PRKCA: variants seen among roughly 807,000 people sequenced by gnomAD.
PRKCA encodes the protein protein kinase C alpha type.
A neutral mutation model predicts 87.0 loss-of-function variants in PRKCA; 27 were observed. The ratio of observed to expected loss-of-function variants is 0.31; its 90% confidence interval spans 0.23 to 0.43. The LOEUF (loss-of-function observed/expected upper bound fraction) is 0.43, where lower values mean the gene tolerates loss of function less well. Ranked by LOEUF, PRKCA falls within the 20% of genes least tolerant of loss-of-function variation. The pLI is 1.00. For missense variants in PRKCA, 518 were observed against 852.3 expected (o/e 0.61, Z 4.88); for synonymous variants, 329 against 311.1 (o/e 1.06, Z -0.61).
intron 16 of PRKCA, chr17:66,796,691 G>A (rs911418634): frequency 1.0e-6 from 1 of 985,326 alleles, no homozygotes; most frequent in Non-Finnish European, 1.2e-6. Context: ...TACCTCCCAG[G>A]AAGCCCAAGT....
chr17:66,724,984 AT>A (rs1973707365), intron 8 of PRKCA, among the ~76,000 whole-genome samples: 2 of 152,320 alleles, frequency 1.3e-5, no homozygotes, highest in South Asian at 4.1e-4. Flanking sequence ...TGAGCCAGAG[AT>A]CCCAGCTGGA....
chr17:66,719,957 A>G (rs760814563), intron 8 of PRKCA, among the ~76,000 whole-genome samples: 3 of 152,318 alleles, frequency 2.0e-5, no homozygotes, highest in Middle Eastern at 3.4e-3. Context: ...CCTTCCCCAT[A>G]TACTCTACTC....
intron 2 of PRKCA, among the ~76,000 whole-genome samples, chr17:66,363,477 C>CT (rs1908515901): frequency 6.6e-6 from 1 of 152,174 alleles, no homozygotes; most frequent in South Asian, 2.1e-4. Context: ...AAGGCAGCTC[C>CT]TTTCTTTCCA....
At chr17:66,777,497 G>C (rs1037064408) in intron 14 of PRKCA, 1 of 970,166 alleles carries the variant, frequency 1.0e-6, no homozygotes, top group Non-Finnish European at 1.2e-6. Flanking sequence ...AAGGCAGTTC[G>C]TACACAGTCA....
intron 16 of PRKCA, 88 bp downstream of exon 16, chr17:66,789,067 G>A: frequency 7.2e-7 from 1 of 1,391,618 alleles, no homozygotes; most frequent in African/African-American, 3.2e-5. Context: ...GGAGAGAGGA[G>A]GCCGGTGCCC....
rs554435872 is a variant in PRKCA at position 66,786,074 on chromosome 17, C to T, written c.1606-793C>T. On this transcript the variant is annotated intron_variant, in intron 14 of 16. Transcript: ENST00000413366. ...CGATCACCTGCCCTTGTGATCCGCC[C>T]GCCTCGGCCTCCCAAAGTGCTGGGA... Among the ~76,000 whole-genome samples the T allele has an allele frequency of 3.9e-5, 6 of 152,284 alleles. No homozygotes were observed. The South Asian group carries it at 8.3e-4, about 21-fold the overall frequency.
At chr17:66,338,642 ATT>A (rs1264134253) in intron 2 of PRKCA, among the ~76,000 whole-genome samples, 5 of 152,212 alleles carry the variant, frequency 3.3e-5, no homozygotes, top group Non-Finnish European at 7.3e-5. Context: ...ACAGACTAAA[ATT>A]TAAAATACAA....
intron 2 of PRKCA, among the ~76,000 whole-genome samples, chr17:66,438,591 A>G (rs1668759703): frequency 6.6e-6 from 1 of 152,188 alleles, no homozygotes; most frequent in African/African-American, 2.4e-5. Context: ...AGATGATTGT[A>G]TTAGTCTGTT....
chr17:66,687,205 C>T lies in PRKCA; in HGVS notation c.624C>T (p.Ser208=), dbSNP rs1203726823. The change falls in exon 6 of 17, where the codon AGC becomes AGT. Residue 208 remains serine (S), a synonymous_variant. Transcript: ENST00000413366. ...LKLIPDPKNE[S]KQKTKTIRST... Reference sequence around the variant, plus strand: ...TTATTCCTGATCCCAAGAATGAAAGCAAGCAAAAAACCAAAACCATCCGCT... The same window carrying T: ...TTATTCCTGATCCCAAGAATGAAAGTAAGCAAAAAACCAAAACCATCCGCT... The T allele has an allele frequency of 6.2e-7, 1 of 1,614,084 alleles. No homozygotes were observed. The highest frequency in any genetic ancestry group is 1.1e-5 in the South Asian group (1 of 91,078).
At chr17:66,657,017 C>T (rs1028697493) in intron 5 of PRKCA, among the ~76,000 whole-genome samples, 2 of 152,184 alleles carry the variant, frequency 1.3e-5, no homozygotes, top group Non-Finnish European at 2.9e-5. Context: ...CAAAATGGTA[C>T]AGAGAAACAT....
At chr17:66,753,671 G>A (rs1974485399) in intron 13 of PRKCA, among the ~76,000 whole-genome samples, 1 of 152,264 alleles carries the variant, frequency 6.6e-6, no homozygotes, top group African/African-American at 2.4e-5. Flanking sequence ...TAGAGATAAG[G>A]CCTTGAAGAA....
chr17:66,489,457 C>T (rs1866501112), intron 2 of PRKCA, among the ~76,000 whole-genome samples: 1 of 144,114 alleles, frequency 6.9e-6, no homozygotes, highest in Non-Finnish European at 1.5e-5. Context: ...ACCCATTTTG[C>T]ATATAGATTA....
chr17:66,373,443 A>C (rs969029834), intron 2 of PRKCA, among the ~76,000 whole-genome samples: 2 of 152,206 alleles, frequency 1.3e-5, no homozygotes, highest in Non-Finnish European at 1.5e-5. Context: ...CTTCACTGTC[A>C]TGCATTACTG....
rs1297775630 is a variant in PRKCA at position 66,433,002 on chromosome 17, T to A, written c.206-63199T>A. On this transcript the variant is annotated intron_variant, in intron 2 of 16. Transcript: ENST00000413366. The stretch of plus-strand genomic sequence containing the variant: ...TTTGTGAGGTGTGAGCTACTGAAGG[T>A]TAAGTGTCCAAAACTAGACTCTGAT... Among the ~76,000 whole-genome samples, 8 of 152,256 alleles carry A rather than the reference T, an allele frequency of 5.3e-5. No individual in the cohort carries two copies. In the East Asian group the frequency reaches 1.2e-3, roughly 22 times the overall value.
At chr17:66,526,263 A>G (rs1967344763) in intron 3 of PRKCA, among the ~76,000 whole-genome samples, 1 of 152,226 alleles carries the variant, frequency 6.6e-6, no homozygotes, top group African/African-American at 2.4e-5. Context: ...TTTGAAATAA[A>G]TAAGTGGTTT....
At chr17:66,328,948 C>T (rs185681926) in intron 2 of PRKCA, among the ~76,000 whole-genome samples, 269 of 152,298 alleles carry the variant, frequency 1.8e-3, no homozygotes, top group Non-Finnish European at 2.3e-3. Context: ...AGTGCTTTAG[C>T]CCAAGAACCA....
At chr17:66,332,205 TCTTCCTTC>T (rs796512456) in intron 2 of PRKCA, among the ~76,000 whole-genome samples, 6 of 147,522 alleles carry the variant, frequency 4.1e-5, no homozygotes, top group South Asian at 2.3e-4. Context: ...TTTCCTTCTT[TCTTCCTTC>T]CTTCCTTCCT....
intron 2 of PRKCA, among the ~76,000 whole-genome samples, chr17:66,440,690 G>A (rs1471940311): frequency 7.2e-5 from 11 of 152,072 alleles, no homozygotes; most frequent in Non-Finnish European, 1.5e-4. Context: ...ACCGAGGGTG[G>A]GCTAGTGAGA....
chr17:66,457,066 A>G (rs1207823104), intron 2 of PRKCA, among the ~76,000 whole-genome samples: 1 of 152,134 alleles, frequency 6.6e-6, no homozygotes, highest in Non-Finnish European at 1.5e-5. Context: ...GCTTGGCATG[A>G]TTAGGATGGA....
Sources: allele counts gnomAD v4.1 joint callset (sites outside exome capture counted in the v4.1 genomes callset), GRCh38; gene constraint gnomAD v4.1.1; transcripts MANE v1.5; gene names NCBI Gene and HGNC (gene_info 2026-07-23, HGNC 2026-07-21).